The following TMCO2 variants were observed in gnomAD, a reference collection of about 807,000 sequenced individuals.
The protein encoded by TMCO2 is transmembrane and coiled-coil domains 2.
In TMCO2, 15 loss-of-function variants were observed where a neutral mutation model predicts 18.0. The ratio of observed to expected loss-of-function variants is 0.84; its 90% CI spans 0.56 to 1.29. The LOEUF is 1.29. TMCO2 is among the 50% of genes most tolerant of loss of function. The probability of loss-of-function intolerance (pLI) is 0.00; values close to 1 mark genes in which losing one functional copy is unlikely to be tolerated. For missense variants in TMCO2, 182 were observed against 200.9 expected, an observed-to-expected ratio of 0.91 and a Z score of 0.57; for synonymous variants, 79 against 75.9, an observed-to-expected ratio of 1.04 and a Z score of -0.21.
Position 40,251,379 on chromosome 1 carries a change from C to T in TMCO2, c.334C>T (p.Arg112Ter), listed in dbSNP as rs537555286. 1.2e-5 allele frequency: 19 copies of T among 1,614,006 alleles called. No homozygotes were observed. Among genetic ancestry groups the T allele is most frequent in the South Asian group, 5.5e-5 (5 of 91,050 alleles). ...AGCCAACCCAGAAGGAAGTGGTCTC[C>T]GAATTCAAGACAATAATAATCTTTT... ...LLANPEGSGL[R>*]IQDNNNLFLS... Residue 112 changes from arginine (R) to a stop codon, truncating the protein, a stop_gained, in exon 2 of 2, where the codon CGA (arginine) becomes TGA (stop). Transcript: ENST00000372766. LOFTEE classifies it high-confidence loss of function.
At position 40,247,948 on chromosome 1, in the gene TMCO2, C is replaced by T. The variant is rs757794881; in HGVS notation, c.-46C>T. On this transcript the variant is annotated 5_prime_UTR_variant, in exon 1 of 2. Coordinates refer to ENST00000372766, the MANE Select transcript of TMCO2 (RefSeq NM_001008740.4). ...ACTCCCCCTAACTCATATTTAGATT[C>T]CTGAAGCTTCTGCACATGTAGTTCC... The T allele has an allele frequency of 2.4e-5, 36 of 1,475,744 alleles. No individual in the cohort carries two copies. Among genetic ancestry groups the T allele is most frequent in the Non-Finnish European group, 3.3e-5 (35 of 1,056,694 alleles). The allele number at this position is 1,475,744 out of a possible 1,614,324, so 91.4% of individuals were successfully genotyped here.
In TMCO2 at chr1:40,251,380, G is replaced by T; in HGVS notation, c.335G>T (p.Arg112Leu). 6.2e-7 allele frequency: 1 copy of T among 1,614,064 alleles called. No individual in the cohort carries two copies. The highest frequency in any genetic ancestry group is 1.1e-5 in the South Asian group (1 of 91,048). Residue 112 changes from arginine to leucine, a missense_variant, in exon 2 of 2, where the codon CGA (arginine) becomes CTA (leucine). Coordinates refer to ENST00000372766, the MANE Select transcript of TMCO2 (RefSeq NM_001008740.4). ...GCCAACCCAGAAGGAAGTGGTCTCC[G>T]AATTCAAGACAATAATAATCTTTTC... ...LLANPEGSGL[R>L]IQDNNNLFLS...
chr1:40,249,493 T>C (rs1225568276), intron 1 of TMCO2, among the ~76,000 whole-genome samples: 1 of 151,000 alleles, frequency 6.6e-6, no homozygotes, highest in East Asian at 2.0e-4. Context: ...GCAGAAGAAT[T>C]GCTTGAACCC....
At chr1:40,250,497 C>A (rs1643373304) in intron 1 of TMCO2, among the ~76,000 whole-genome samples, 1 of 151,996 alleles carries the variant, frequency 6.6e-6, no homozygotes, top group South Asian at 2.1e-4. Context: ...GTACCCAGAT[C>A]TCTCCTAGTA....
chr1:40,250,988 T>G (rs1289962115), intron 1 of TMCO2, among the ~76,000 whole-genome samples: 1 of 151,914 alleles, frequency 6.6e-6, no homozygotes, highest in Non-Finnish European at 1.5e-5. Flanking sequence ...ATACAAAAAA[T>G]TAGCCGGGCG....
intron 1 of TMCO2, among the ~76,000 whole-genome samples, chr1:40,249,255 A>ACG (rs1553178285): frequency 2.1e-5 from 3 of 139,834 alleles, no homozygotes; most frequent in African/African-American, 7.9e-5. Context: ...TTGAACAGGA[A>ACG]TGTGTGTGTG....
intron 1 of TMCO2, among the ~76,000 whole-genome samples, chr1:40,248,912 T>C (rs1255407796): frequency 2.0e-5 from 3 of 152,220 alleles, no homozygotes; most frequent in East Asian, 3.8e-4. Flanking sequence ...GACAGGCTTT[T>C]AAAACGGCTT....
chr1:40,248,198 G>A lies in TMCO2; in HGVS notation c.205G>A (p.Ala69Thr). Residue 69 changes from alanine to threonine, a missense_variant, in exon 1 of 2, where the codon GCC becomes ACC. Ala to Thr is a moderately conservative substitution (Grantham distance 58, BLOSUM62 0). Transcript: ENST00000372766. ...FLILLGIGIY[A>T]LWKRSIQSIQ... ...GATTTTATTGGGAATAGGAATATAT[G>A]CCTTATGGAAACGAAGTATTCAGTC... The A allele has an allele frequency of 1.2e-6, 2 of 1,613,734 alleles. No individual in the cohort carries two copies. The highest frequency in any genetic ancestry group is 1.7e-6 in the Non-Finnish European group (2 of 1,179,764).
Position 40,248,231 on chromosome 1 carries a change from G to T in TMCO2, c.237+1G>T. ...GAAACGAAGTATTCAGTCAATTCAG[G>T]TTATACTCTTTTGTTACAAACATTT... On this transcript the variant is annotated splice_donor_variant, in intron 1 of 1. Coordinates refer to ENST00000372766, the MANE Select transcript of TMCO2 (RefSeq NM_001008740.4). LOFTEE classifies it high-confidence loss of function. 2 of 1,603,490 alleles carry T rather than the reference G, an allele frequency of 1.2e-6. No individual in the cohort carries two copies. The highest frequency in any genetic ancestry group is 1.1e-5 in the South Asian group (1 of 90,700).
intron 1 of TMCO2, among the ~76,000 whole-genome samples, chr1:40,249,255 ATGTGTG>A (rs3075101): frequency 0.078 from 10,922 of 139,846 alleles, 435 homozygotes; most frequent in Non-Finnish European, 0.092. Context: ...TTGAACAGGA[ATGTGTG>A]TGTGTGTGTG....
intron 1 of TMCO2, among the ~76,000 whole-genome samples, chr1:40,249,827 C>A (rs1193505912): frequency 6.6e-6 from 1 of 151,826 alleles, no homozygotes; most frequent in Non-Finnish European, 1.5e-5. Flanking sequence ...GCGCATACCA[C>A]CACACCCAGC....
chr1:40,248,220 A>G lies in TMCO2; in HGVS notation c.227A>G (p.Gln76Arg). ...TATGCCTTATGGAAACGAAGTATTC[A>G]GTCAATTCAGGTTATACTCTTTTGT... ...GIYALWKRSI[Q>R]SIQKTLLFVI... The change falls in exon 1 of 2, where the codon CAG (glutamine) becomes CGG (arginine). Residue 76 changes from glutamine to arginine, a missense_variant. Physicochemically the swap from Gln to Arg is conservative, Grantham distance 43. Transcript: ENST00000372766. The G allele has an allele frequency of 1.9e-6, 3 of 1,610,882 alleles. No homozygotes were observed. Among genetic ancestry groups the G allele is most frequent in the Non-Finnish European group, 2.5e-6 (3 of 1,177,228 alleles).
At chr1:40,251,026 AC>A (rs1569595501) in intron 1 of TMCO2, among the ~76,000 whole-genome samples, 1 of 151,110 alleles carries the variant, frequency 6.6e-6, no homozygotes, top group Admixed American at 6.6e-5. Flanking sequence ...AGTCCCAACT[AC>A]TCAGGAGGCT....
rs1277974328 is a variant in TMCO2 at position 40,251,512 on chromosome 1, G to GAA, written c.467_468insAA (p.Asp157ArgfsTer30). 1 of 1,613,996 alleles carries GAA rather than the reference G, an allele frequency of 6.2e-7. No homozygotes were observed. On this transcript the variant is annotated frameshift_variant, in exon 2 of 2. Transcript: ENST00000372766. LOFTEE classifies it high-confidence loss of function. ...GTTGCTCAAAAACCTGCCACGAAGA[G>GAA]GGATTGCTCCTCTGAGCCCTACTGC...
At chr1:40,250,640 GAC>G (rs1326886524) in intron 1 of TMCO2, among the ~76,000 whole-genome samples, 4 of 152,204 alleles carry the variant, frequency 2.6e-5, no homozygotes, top group Non-Finnish European at 5.9e-5. Context: ...CTTGGACAAT[GAC>G]AGAGTTCAAA....
At chr1:40,249,995 T>A (rs1484173865) in intron 1 of TMCO2, among the ~76,000 whole-genome samples, 1 of 151,690 alleles carries the variant, frequency 6.6e-6, no homozygotes, top group Non-Finnish European at 1.5e-5. Context: ...TTTTATTTTT[T>A]ATTTTTTTTT....
chr1:40,248,044 T>C lies in TMCO2; in HGVS notation c.51T>C (p.Ser17=). Residue 17 remains serine, a synonymous_variant, in exon 1 of 2, where the codon TCT becomes TCC. Transcript: ENST00000372766. ...GGGACAACCTCTTAGAGTCTCTCTC[T>C]CTCAGCACAGTATGGAATTGGATAC... The part of the protein sequence containing the change: ...SSWDNLLESL[S]LSTVWNWIQA... 6.2e-7 allele frequency: 1 copy of C among 1,614,226 alleles called. No homozygotes were observed. Among genetic ancestry groups the C allele is most frequent in the Non-Finnish European group, 8.5e-7 (1 of 1,180,044 alleles).
chr1:40,251,016 A>G (rs183548857), intron 1 of TMCO2, among the ~76,000 whole-genome samples: 22 of 151,896 alleles, frequency 1.4e-4, no homozygotes, highest in African/African-American at 5.1e-4. Flanking sequence ...GGGCGCCTGT[A>G]GTCCCAACTA....
At chr1:40,248,283 A>C in intron 1 of TMCO2, 53 bp downstream of exon 1, 1 of 1,456,384 alleles carries the variant, frequency 6.9e-7, no homozygotes. Flanking sequence ...AAATTTGATT[A>C]GTTCTCTCCC....
Sources: gnomAD v4.1 joint callset for allele counts (sites outside exome capture counted in the v4.1 genomes callset) on GRCh38, gnomAD v4.1.1 for gene constraint, MANE v1.5 for transcripts, NCBI Gene and HGNC (gene_info 2026-07-23, HGNC 2026-07-21) for gene names.